Variants in NT5C3A observed in about 807,000 individuals in gnomAD.
NT5C3A encodes 5'-nucleotidase, cytosolic IIIA, also known as cytosolic 5'-nucleotidase 3A.
Under a neutral mutation model 40.0 loss-of-function variants are expected in NT5C3A, and 23 were observed. The ratio of observed to expected loss-of-function variants is 0.58; its 90% CI spans 0.41 to 0.81. The LOEUF (loss-of-function observed/expected upper bound fraction) is 0.81, where lower values mean the gene tolerates loss of function less well. Ranked by LOEUF, NT5C3A falls within the 40% of genes least tolerant of loss-of-function variation. The pLI is 0.00. For synonymous variants in NT5C3A, 130 were observed against 141.4 expected (o/e 0.92, Z 0.57); for missense variants, 328 against 403.0 (o/e 0.81, Z 1.59).
At chr7:33,048,897 T>C (rs1787257597) in intron 1 of NT5C3A, among the ~76,000 whole-genome samples, 1 of 152,064 alleles carries the variant, frequency 6.6e-6, no homozygotes, top group African/African-American at 2.4e-5. Flanking sequence ...GGAATATTGT[T>C]TAGAGATAAT....
chr7:33,041,313 G>A (rs1786901911), intron 1 of NT5C3A: 1 of 180,272 alleles, frequency 5.5e-6, no homozygotes, highest in African/African-American at 2.4e-5. Context: ...CAGGGCTGGA[G>A]GAGGAGGATG....
At chr7:33,019,868 G>C (rs1285802976) in intron 5 of NT5C3A, 144 bp from the exon 6 acceptor site, 1 of 652,396 alleles carries the variant, frequency 1.5e-6, no homozygotes, top group Admixed American at 2.3e-5. Context: ...CATCACTAAT[G>C]AATGTATACC....
intron 1 of NT5C3A, among the ~76,000 whole-genome samples, chr7:33,042,763 A>G (rs7792135): frequency 0.16 from 23,915 of 152,200 alleles, 2,498 homozygotes; most frequent in Admixed American, 0.3. Context: ...TTTTGTGTCT[A>G]GAAATTTTTC....
intron 6 of NT5C3A, among the ~76,000 whole-genome samples, chr7:33,019,308 C>T (rs567973113): frequency 6.6e-6 from 1 of 151,336 alleles, no homozygotes; most frequent in Non-Finnish European, 1.5e-5. Flanking sequence ...TTATACATTC[C>T]TTTCATATGT....
intron 5 of NT5C3A, among the ~76,000 whole-genome samples, chr7:33,020,690 T>C (rs1251642225): frequency 2.0e-5 from 3 of 152,230 alleles, no homozygotes; most frequent in Non-Finnish European, 4.4e-5. Flanking sequence ...TTCTATTCCT[T>C]GAAATGTTCG....
chr7:33,060,067 G>A (rs1242248982), intron 1 of NT5C3A, among the ~76,000 whole-genome samples: 1 of 152,024 alleles, frequency 6.6e-6, no homozygotes, highest in Non-Finnish European at 1.5e-5. Context: ...TTTCACCTTC[G>A]GCCCCTAAGT....
chr7:33,023,034 CCCAAATGAGTAGCTGGGA>C (rs1234559061), intron 3 of NT5C3A, among the ~76,000 whole-genome samples: 1 of 151,572 alleles, frequency 6.6e-6, no homozygotes, highest in African/African-American at 2.4e-5. Context: ...CTCTCAGCCT[CCCAAATGAGTAGCTGGGA>C]CCACAGGCAT....
chr7:33,045,042 A>G (rs1787089598), intron 1 of NT5C3A, among the ~76,000 whole-genome samples: 1 of 152,226 alleles, frequency 6.6e-6, no homozygotes, highest in Non-Finnish European at 1.5e-5. Context: ...TTGGGCTACT[A>G]TAATCCAATT....
At chr7:33,046,073 T>C (rs1201044503) in intron 1 of NT5C3A, 1 of 152,272 alleles carries the variant, frequency 6.6e-6, no homozygotes, top group East Asian at 1.9e-4. Context: ...CCATAGGCGC[T>C]AGGCCAGTAC....
At chr7:33,045,294 C>T (rs1247503779) in intron 1 of NT5C3A, among the ~76,000 whole-genome samples, 1 of 152,062 alleles carries the variant, frequency 6.6e-6, no homozygotes, top group East Asian at 1.9e-4. Flanking sequence ...CTTCAAACTT[C>T]CCTGAAGACA....
chr7:33,028,840 G>A (rs1370924239), intron 1 of NT5C3A, among the ~76,000 whole-genome samples: 1 of 152,138 alleles, frequency 6.6e-6, no homozygotes, highest in Non-Finnish European at 1.5e-5. Context: ...CAGATCACGA[G>A]GTCAGGAGAT....
At chr7:33,027,367 G>A (rs1785999507) in intron 1 of NT5C3A, among the ~76,000 whole-genome samples, 1 of 152,176 alleles carries the variant, frequency 6.6e-6, no homozygotes, top group African/African-American at 2.4e-5. Flanking sequence ...ACCAAGCCCA[G>A]CTCCCACATT....
intron 1 of NT5C3A, among the ~76,000 whole-genome samples, chr7:33,038,498 CT>C (rs76288295): frequency 0.019 from 2,617 of 139,370 alleles, 61 homozygotes; most frequent in East Asian, 0.14. Flanking sequence ...ACTTTAGGAC[CT>C]TTTTTTTTTT....
At chr7:33,027,717 C>G (rs1193363247) in intron 1 of NT5C3A, among the ~76,000 whole-genome samples, 8 of 152,136 alleles carry the variant, frequency 5.3e-5, no homozygotes, top group Non-Finnish European at 1.0e-4. Context: ...GCAGCTACCC[C>G]TCGATTGATT....
At chr7:33,015,302 C>T (rs1785260238) in intron 8 of NT5C3A, among the ~76,000 whole-genome samples, 1 of 152,206 alleles carries the variant, frequency 6.6e-6, no homozygotes. Context: ...CATAGTGGCT[C>T]ACGCCTGTTA....
intron 7 of NT5C3A, 21 bp from the exon 8 acceptor site, chr7:33,015,891 T>C (rs1785297550): frequency 1.3e-6 from 2 of 1,491,064 alleles, no homozygotes; most frequent in Non-Finnish European, 1.9e-6. Flanking sequence ...TATAAATCTT[T>C]TGAACAGGCT....
Position 33,062,651 on chromosome 7 carries a change from C to A in NT5C3A, c.55G>T (p.Ala19Ser). 6.3e-7 allele frequency: 1 copy of A among 1,597,042 alleles called. No homozygotes were observed. The highest frequency in any genetic ancestry group is 2.3e-5 in the East Asian group (1 of 43,572). The change falls in exon 1 of 9, where the codon GCC (alanine) becomes TCC (serine). Residue 19 changes from alanine to serine, a missense_variant. Ala to Ser is a moderately conservative substitution (Grantham distance 99). Transcript: ENST00000610140. ...VGAVASASVC[A>S]LVAGVVLAQY... ...GCCAGCACCACCCCCGCCACCAGGG[C>A]GCACACGCTGGCGCTCGCTACCGCG...
At chr7:33,021,190 G>A in intron 5 of NT5C3A, 82 bp downstream of exon 5, 1 of 1,576,150 alleles carries the variant, frequency 6.3e-7, no homozygotes, top group Non-Finnish European at 8.6e-7. Flanking sequence ...TGCAATACAG[G>A]TAAAAAATAA....
intron 8 of NT5C3A, among the ~76,000 whole-genome samples, chr7:33,015,462 C>T (rs927954201): frequency 3.9e-5 from 6 of 151,950 alleles, no homozygotes; most frequent in African/African-American, 1.5e-4. Context: ...ACCTGAGGGG[C>T]TGAGGTGGGA....
Sources: gnomAD v4.1 joint callset for allele counts (sites outside exome capture counted in the v4.1 genomes callset) on GRCh38, gnomAD v4.1.1 for gene constraint, MANE v1.5 for transcripts, NCBI Gene and HGNC (gene_info 2026-07-23, HGNC 2026-07-21) for gene names.